The following TTC34 variants were observed in gnomAD, a reference collection of about 807,000 sequenced individuals.
TTC34 encodes tetratricopeptide repeat protein 34.
A neutral mutation model predicts 40.7 loss-of-function variants in TTC34; 44 were observed. The observed-to-expected ratio is 1.08, with a 90% CI of 0.85 to 1.39. The LOEUF (loss-of-function observed/expected upper bound fraction) is 1.39. Among genes scored for constraint, TTC34 ranks in the 40% most tolerant of loss-of-function variants. The pLI is 0.00. For missense variants in TTC34, 884 were observed against 838.0 expected, an observed-to-expected ratio of 1.05 and a Z score of -0.68; for synonymous variants, 422 against 398.6, an observed-to-expected ratio of 1.06 and a Z score of -0.70.
intron 8 of TTC34, 108 bp from the exon 9 acceptor site, chr1:2,642,003 T>TG: frequency 4.0e-6 from 5 of 1,247,048 alleles, no homozygotes; most frequent in Non-Finnish European, 5.3e-6. Context: ...GCTGGCTCCC[T>TG]GGGGATGGCG....
chr1:2,750,079 G>C (rs1466569642), intron 6 of TTC34, among the ~76,000 whole-genome samples: 64 of 6,146 alleles, frequency 0.01, no homozygotes, highest in Middle Eastern at 0.17. Flanking sequence ...GGAGCAGCAG[G>C]CACACCCCCA....
intron 2 of TTC34, among the ~76,000 whole-genome samples, chr1:2,792,006 C>CTTGTTTTTTTTTTTTTTTT (rs1643668198): frequency 2.5e-5 from 1 of 39,522 alleles, no homozygotes; most frequent in Non-Finnish European, 5.2e-5. Flanking sequence ...TTGCCATATG[C>CTTGTTTTTTTTTTTTTTTT]TTTTTTTTTT....
intron 6 of TTC34, among the ~76,000 whole-genome samples, chr1:2,750,598 C>A (rs1569690207): frequency 7.3e-4 from 49 of 66,698 alleles, no homozygotes; most frequent in South Asian, 1.8e-3. Flanking sequence ...TGGAGCAGCA[C>A]CCCACACCCA....
intron 6 of TTC34, among the ~76,000 whole-genome samples, chr1:2,694,820 C>T (rs1400318260): frequency 2.3e-5 from 2 of 87,398 alleles, no homozygotes; most frequent in South Asian, 3.3e-4. Context: ...CAGCCTGGAA[C>T]GACACCCACA....
chr1:2,778,220 C>T (rs1446130930), intron 6 of TTC34, among the ~76,000 whole-genome samples: 1 of 152,238 alleles, frequency 6.6e-6, no homozygotes, highest in Non-Finnish European at 1.5e-5. Context: ...AACTCCAGCC[C>T]TTAAGAAAAT....
chr1:2,641,772 A>C (rs1638911298), exon 9 of TTC34: 1 of 1,535,264 alleles, frequency 6.5e-7, no homozygotes, highest in Non-Finnish European at 8.7e-7. Context: ...TCGGCCAGGC[A>C]GGTGGCCCGC....
intron 2 of TTC34, among the ~76,000 whole-genome samples, chr1:2,799,085 G>C (rs1185145626): frequency 6.9e-6 from 1 of 144,978 alleles, no homozygotes; most frequent in Non-Finnish European, 1.5e-5. Flanking sequence ...CAGCCCCCTA[G>C]CCTCCCAGAC....
intron 6 of TTC34, among the ~76,000 whole-genome samples, chr1:2,688,240 C>A (rs1195253011): frequency 2.8e-5 from 4 of 140,816 alleles, no homozygotes; most frequent in African/African-American, 8.5e-5. Context: ...CCTGGAGCAG[C>A]ACCCACACCC....
In TTC34 at chr1:2,796,024, C is replaced by T. The variant is rs1431887841; in HGVS notation, c.784+4020G>A. On this transcript the variant is annotated intron_variant, in intron 2 of 8. Transcript: ENST00000401095. The surrounding 1 kb of genome is among the most constrained non-coding windows in gnomAD (Gnocchi z 4.5). ...ATGATTAGGCCATGAGGGCTCTGCT[C>T]TTGTGGGTGGGATTAATGCAAGTTC... 6.6e-6 allele frequency among the ~76,000 whole-genome samples: 1 copy of T among 152,206 alleles called. No homozygotes were observed. Among genetic ancestry groups the T allele is most frequent in the Non-Finnish European group, 1.5e-5 (1 of 68,032 alleles).
chr1:2,789,562 C>A lies in TTC34; in HGVS notation c.1569G>T (p.Pro523=), dbSNP rs1037150223. The A allele has an allele frequency of 8.7e-6, 13 of 1,486,692 alleles. No homozygotes were observed. The East Asian group carries it at 3.6e-4, about 42-fold the overall frequency. 92.1% of individuals were successfully genotyped at this position (1,486,692 alleles called of 1,614,324 possible). The change falls in exon 3 of 9, where the codon CCG becomes CCT. Residue 523 remains proline, a synonymous_variant. Transcript: ENST00000401095. ...CCTCCCTCCGGCCCTGCGCTCTGGACGGCCCGGCGCGTGGAGATCGCTGCA... is the reference window on the plus strand; with the variant it reads ...CCTCCCTCCGGCCCTGCGCTCTGGAAGGCCCGGCGCGTGGAGATCGCTGCA...
exon 9 of TTC34, chr1:2,641,828 G>C: frequency 6.5e-7 from 1 of 1,531,672 alleles, no homozygotes; most frequent in Non-Finnish European, 8.7e-7. Flanking sequence ...GACAGACAGC[G>C]AACAGTAGCC....
chr1:2,685,219 T>G (rs372957240), intron 6 of TTC34, among the ~76,000 whole-genome samples: 244 of 26,280 alleles, frequency 9.3e-3, no homozygotes, highest in Middle Eastern at 0.024. Flanking sequence ...GCATCTGACA[T>G]CGTGGAGCAG....
In TTC34 at chr1:2,688,691, C is replaced by A. The variant is rs571218342; in HGVS notation, c.2227-43128G>T. Among the ~76,000 whole-genome samples, 122 of 132,706 alleles carry A rather than the reference C, an allele frequency of 9.2e-4. No individual in the cohort carries two copies. The South Asian group carries it at 0.013, about 14-fold the overall frequency. The allele number at this position is 132,706 out of a possible 152,430, so 87.1% of individuals were successfully genotyped here. ...TGACAGCCTGGAACAGCACCCTGCACCCCCAGGAGAGCATCTGACAGCCTG... is the reference window on the plus strand; with the variant it reads ...TGACAGCCTGGAACAGCACCCTGCAACCCCAGGAGAGCATCTGACAGCCTG... On this transcript the variant is annotated intron_variant, in intron 6 of 8. Coordinates refer to ENST00000401095, the Ensembl canonical transcript of TTC34.
At chr1:2,686,084 C>T (rs1640329403) in intron 6 of TTC34, among the ~76,000 whole-genome samples, 1 of 126,610 alleles carries the variant, frequency 7.9e-6, no homozygotes, top group Non-Finnish European at 1.6e-5. Context: ...CCCACACCCC[C>T]AGGCGAGCAT....
At position 2,786,028 on chromosome 1, in the gene TTC34, A is replaced by C; in HGVS notation, c.1855-5T>G. On this transcript the variant is annotated splice_region_variant and splice_polypyrimidine_tract_variant and intron_variant, in intron 4 of 8. Transcript: ENST00000401095. ...CTGGACCAGCTTCTTCACCAACTGC[A>C]AGGGTGCCACAGTCACTGCCCATGC... 4 of 1,461,094 alleles carry C rather than the reference A, an allele frequency of 2.7e-6. No individual in the cohort carries two copies. Among genetic ancestry groups the C allele is most frequent in the Non-Finnish European group, 3.6e-6 (4 of 1,098,130 alleles). The allele number at this position is 1,461,094 out of a possible 1,614,324, so 90.5% of individuals were successfully genotyped here.
chr1:2,688,055 A>T, intron 6 of TTC34, among the ~76,000 whole-genome samples: 3 of 118,158 alleles, frequency 2.5e-5, no homozygotes, highest in African/African-American at 1.2e-4. Context: ...ACCCCCAGGT[A>T]AGCATCTGAC....
intron 5 of TTC34, among the ~76,000 whole-genome samples, chr1:2,784,887 C>T (rs184043262): frequency 2.6e-5 from 4 of 152,340 alleles, no homozygotes; most frequent in East Asian, 1.9e-4. Flanking sequence ...CACAACCCCT[C>T]GCCAAAGAGG....
intron 6 of TTC34, among the ~76,000 whole-genome samples, chr1:2,686,942 C>T (rs532364302): frequency 1.3e-5 from 2 of 148,678 alleles, no homozygotes; most frequent in African/African-American, 2.6e-5. Context: ...GAGCATCGGA[C>T]AGCCTGGAGC....
chr1:2,784,976 G>GGGCCACTCTC (rs1643558404), intron 5 of TTC34, among the ~76,000 whole-genome samples: 2 of 145,644 alleles, frequency 1.4e-5, no homozygotes, highest in Admixed American at 1.4e-4. Flanking sequence ...GGGCCACTCT[G>GGGCCACTCTC]GGCCGCTCTG....
Sources: allele counts gnomAD v4.1 joint callset (sites outside exome capture counted in the v4.1 genomes callset), GRCh38; gene constraint gnomAD v4.1.1; non-coding constraint Gnocchi (gnomAD v3.1); transcripts MANE v1.5; gene names NCBI Gene and HGNC (gene_info 2026-07-23, HGNC 2026-07-21).